ULK4: variants seen among roughly 807,000 people sequenced by gnomAD.
ULK4 encodes inactive serine/threonine-protein kinase ULK4.
Under a neutral mutation model 160.6 loss-of-function variants are expected in ULK4, and 133 were observed. The observed-to-expected ratio is 0.83, with a 90% confidence interval of 0.72 to 0.96. The LOEUF (loss-of-function observed/expected upper bound fraction) is 0.96, where lower values mean the gene tolerates loss of function less well. Among genes scored for constraint, ULK4 ranks in the 40% least tolerant of loss-of-function variants. The probability of loss-of-function intolerance (pLI) is 0.00; values close to 1 mark genes in which losing one functional copy is unlikely to be tolerated. For synonymous variants in ULK4, 534 were observed against 539.8 expected (o/e 0.99, Z 0.15); for missense variants, 1,580 against 1,499.5 (o/e 1.05, Z -0.89).
intron 5 of ULK4, among the ~76,000 whole-genome samples, chr3:41,924,229 A>AT (rs539619889): frequency 4.6e-5 from 7 of 152,256 alleles, no homozygotes; most frequent in Admixed American, 4.6e-4. Flanking sequence ...AGGTAGGGTG[A>AT]TTTTTTTCAT....
chr3:41,934,279 T>C (rs1699690935), intron 4 of ULK4, among the ~76,000 whole-genome samples: 1 of 152,212 alleles, frequency 6.6e-6, no homozygotes, highest in South Asian at 2.1e-4. Context: ...GGCACATACA[T>C]GATAATTTCA....
At chr3:41,321,041 A>G (rs1001475016) in intron 35 of ULK4, among the ~76,000 whole-genome samples, 1 of 151,986 alleles carries the variant, frequency 6.6e-6, no homozygotes, top group Non-Finnish European at 1.5e-5. Flanking sequence ...GAAACTGTCC[A>G]TGGATCTTAA....
At chr3:41,283,005 CA>C (rs2125696257) in intron 35 of ULK4, among the ~76,000 whole-genome samples, 1 of 152,290 alleles carries the variant, frequency 6.6e-6, no homozygotes, top group South Asian at 2.1e-4. Flanking sequence ...AGACACTTCT[CA>C]AAAGAAGACA....
chr3:41,681,893 C>G, intron 27 of ULK4, 89 bp from the exon 28 acceptor site: 1 of 1,454,664 alleles, frequency 6.9e-7, no homozygotes, highest in Non-Finnish European at 9.5e-7. Flanking sequence ...AGACAGAATC[C>G]CTAATCAAAG....
intron 22 of ULK4, among the ~76,000 whole-genome samples, chr3:41,732,965 G>A (rs1434104417): frequency 6.6e-6 from 1 of 152,114 alleles, no homozygotes; most frequent in Non-Finnish European, 1.5e-5. Flanking sequence ...TAAGGGCAGG[G>A]AGAGGGGGAG....
chr3:41,426,137 C>CT (rs2082771173), intron 34 of ULK4, among the ~76,000 whole-genome samples: 1 of 152,132 alleles, frequency 6.6e-6, no homozygotes, highest in Non-Finnish European at 1.5e-5. Context: ...ATCCTAGTTT[C>CT]TGACAAAACA....
At chr3:41,456,396 G>GTATC (rs966669263) in intron 33 of ULK4, among the ~76,000 whole-genome samples, 6 of 111,158 alleles carry the variant, frequency 5.4e-5, no homozygotes, top group Non-Finnish European at 7.5e-5. Context: ...TACATACCAA[G>GTATC]TGCATTCTGC....
intron 29 of ULK4, among the ~76,000 whole-genome samples, chr3:41,665,284 C>T (rs542405417): frequency 5.9e-5 from 9 of 152,036 alleles, no homozygotes; most frequent in East Asian, 3.9e-4. Flanking sequence ...AGAAAAGAGA[C>T]GGACTATTAC....
intron 30 of ULK4, among the ~76,000 whole-genome samples, chr3:41,622,828 C>CA (rs1559439468): frequency 1.2e-4 from 18 of 152,080 alleles, no homozygotes; most frequent in African/African-American, 4.1e-4. Flanking sequence ...AGATTTTTTC[C>CA]GTAACAGTCC....
chr3:41,741,733 G>C (rs2038245199), intron 22 of ULK4, among the ~76,000 whole-genome samples: 2 of 151,876 alleles, frequency 1.3e-5, no homozygotes, highest in African/African-American at 4.9e-5. Flanking sequence ...AAGTAGCTCT[G>C]CTAAGTACTA....
At chr3:41,753,372 C>T (rs1168091392) in intron 22 of ULK4, among the ~76,000 whole-genome samples, 1 of 152,152 alleles carries the variant, frequency 6.6e-6, no homozygotes, top group Non-Finnish European at 1.5e-5. Flanking sequence ...CTCAGCAATA[C>T]CAGGCTCTGC....
At chr3:41,508,252 A>AC (rs1465586404) in intron 32 of ULK4, among the ~76,000 whole-genome samples, 1 of 151,808 alleles carries the variant, frequency 6.6e-6, no homozygotes, top group Non-Finnish European at 1.5e-5. Flanking sequence ...TGGGAACCAC[A>AC]CCCCCACCCC....
intron 32 of ULK4, among the ~76,000 whole-genome samples, chr3:41,540,788 T>C (rs1233736475): frequency 1.3e-5 from 2 of 152,132 alleles, no homozygotes. Flanking sequence ...CTATGACCAG[T>C]AAGATAAGCT....
chr3:41,613,442 T>C (rs1328811962), intron 31 of ULK4, among the ~76,000 whole-genome samples: 1 of 151,968 alleles, frequency 6.6e-6, no homozygotes, highest in Non-Finnish European at 1.5e-5. Context: ...GACAACCAGG[T>C]CAACTGGCTG....
intron 35 of ULK4, among the ~76,000 whole-genome samples, chr3:41,384,230 C>G (rs1381503756): frequency 6.6e-6 from 1 of 151,850 alleles, no homozygotes. Context: ...CCCAAAATAT[C>G]ACGAGGAAAC....
intron 32 of ULK4, among the ~76,000 whole-genome samples, chr3:41,525,118 C>A (rs1399060375): frequency 2.6e-5 from 4 of 152,084 alleles, no homozygotes; most frequent in Admixed American, 2.6e-4. Context: ...CTGCTGTGAT[C>A]CAGTCCATAC....
At chr3:41,623,811 G>A (rs1299684792) in intron 30 of ULK4, among the ~76,000 whole-genome samples, 1 of 152,158 alleles carries the variant, frequency 6.6e-6, no homozygotes, top group Non-Finnish European at 1.5e-5. Context: ...ATTATTACAA[G>A]AGTAGATTTT....
At chr3:41,442,857 T>G (rs777874442) in intron 34 of ULK4, among the ~76,000 whole-genome samples, 1 of 152,216 alleles carries the variant, frequency 6.6e-6, no homozygotes. Context: ...ATTAAAAACA[T>G]GGAGAATTAA....
chr3:41,555,294 T>C (rs537243380), intron 32 of ULK4, among the ~76,000 whole-genome samples: 82 of 148,496 alleles, frequency 5.5e-4, no homozygotes, highest in Non-Finnish European at 1.1e-3. Flanking sequence ...ATGTCCAGCA[T>C]CTATAAAGAA....
Sources: allele counts gnomAD v4.1 joint callset (sites outside exome capture counted in the v4.1 genomes callset), GRCh38; gene constraint gnomAD v4.1.1; transcripts MANE v1.5; gene names NCBI Gene and HGNC (gene_info 2026-07-23, HGNC 2026-07-21).